CACNA1D: variants seen among roughly 807,000 people sequenced by gnomAD.
CACNA1D encodes voltage-dependent L-type calcium channel subunit alpha-1D.
CACNA1D carries 55 observed loss-of-function variants against 257.1 expected under a neutral mutation model. That is an observed-to-expected ratio of 0.21 (90% CI 0.17 to 0.27). The LOEUF (loss-of-function observed/expected upper bound fraction) is 0.27, where lower values mean the gene tolerates loss of function less well. CACNA1D is among the 10% of genes least tolerant of loss of function. CACNA1D has a pLI of 1.00. For missense variants in CACNA1D, 1,876 were observed against 2,784.0 expected (o/e 0.67, Z 7.34); for synonymous variants, 980 against 1,014.9 (o/e 0.97, Z 0.65).
At position 53,745,850 on chromosome 3, in the gene CACNA1D, G is replaced by A; in HGVS notation, c.3142G>A (p.Ala1048Thr). 1 of 1,613,960 alleles carries A rather than the reference G, an allele frequency of 6.2e-7. No individual in the cohort carries two copies. Among genetic ancestry groups the A allele is most frequent in the Non-Finnish European group, 8.5e-7 (1 of 1,179,818 alleles). Residue 1048 changes from alanine to threonine, a missense_variant, in exon 25 of 48, where the codon GCC (alanine) becomes ACC (threonine). This residue lies in a region of CACNA1D where 271 missense variants were observed against 425.5 expected (regional missense o/e 0.64). Transcript: ENST00000350061. ...GAAGTTCTATCGCTGTACGGATGAA[G>A]CCAAAAGTAACCCTGAAGAATGCAG... ...KGKFYRCTDE[A>T]KSNPEECRGL...
chr3:53,802,987 A>G (rs2095543740), intron 43 of CACNA1D, among the ~76,000 whole-genome samples: 1 of 152,180 alleles, frequency 6.6e-6, no homozygotes, highest in Admixed American at 6.5e-5. Flanking sequence ...GCAGGAGGTC[A>G]GTGGCCAGGA....
chr3:53,711,828 C>T (rs1479576648), intron 9 of CACNA1D, among the ~76,000 whole-genome samples: 3 of 152,168 alleles, frequency 2.0e-5, no homozygotes, highest in African/African-American at 7.2e-5. Flanking sequence ...TCATTCAGCA[C>T]GTTGTGGACC....
chr3:53,656,792 A>C lies in CACNA1D; in HGVS notation c.624-3341A>C, dbSNP rs974021008. Among the ~76,000 whole-genome samples the C allele has an allele frequency of 3.3e-5, 5 of 152,364 alleles. No individual in the cohort carries two copies. In the East Asian group the frequency reaches 9.6e-4, roughly 29 times the overall value. On this transcript the variant is annotated intron_variant, in intron 4 of 47. Coordinates refer to ENST00000350061, the MANE Select transcript of CACNA1D (RefSeq NM_001128840.3). Reference sequence around the variant, plus strand: ...AAAAGAAGATATGTGAATCATCAACAAACATCTGAAAAGATGCTCAACATT... The same window carrying C: ...AAAAGAAGATATGTGAATCATCAACCAACATCTGAAAAGATGCTCAACATT...
chr3:53,593,627 G>A (rs189074807), intron 3 of CACNA1D, among the ~76,000 whole-genome samples: 1 of 152,138 alleles, frequency 6.6e-6, no homozygotes, highest in Non-Finnish European at 1.5e-5. Context: ...AATCCCTCTT[G>A]GTGTTGAAGT....
chr3:53,660,026 G>C, intron 4 of CACNA1D, 107 bp from the exon 5 acceptor site: 1 of 963,886 alleles, frequency 1.0e-6, no homozygotes, highest in South Asian at 1.4e-5. Context: ...TATTTAAGCA[G>C]CAGCCACACA....
intron 29 of CACNA1D, among the ~76,000 whole-genome samples, chr3:53,755,899 G>A (rs536411591): frequency 1.5e-4 from 23 of 152,270 alleles, no homozygotes; most frequent in African/African-American, 4.3e-4. Context: ...CCTCCTGGTC[G>A]GTGGGGTAGT....
chr3:53,736,106 A>G (rs1458898892), intron 20 of CACNA1D, among the ~76,000 whole-genome samples: 4 of 152,142 alleles, frequency 2.6e-5, no homozygotes, highest in Admixed American at 2.0e-4. Flanking sequence ...TTTGGGGGAT[A>G]GAGGGGGAGG....
At chr3:53,760,268 C>T (rs1207046004) in intron 29 of CACNA1D, among the ~76,000 whole-genome samples, 1 of 152,176 alleles carries the variant, frequency 6.6e-6, no homozygotes, top group East Asian at 1.9e-4. Context: ...ATCCCTACTC[C>T]AGCTGTTAGG....
At chr3:53,641,171 A>G (rs1289235275) in intron 3 of CACNA1D, among the ~76,000 whole-genome samples, 2 of 152,158 alleles carry the variant, frequency 1.3e-5, no homozygotes, top group Admixed American at 1.3e-4. Flanking sequence ...CGCTGGACCC[A>G]TGACAGACGT....
chr3:53,700,228 G>A (rs746190130), intron 8 of CACNA1D, among the ~76,000 whole-genome samples: 5 of 151,662 alleles, frequency 3.3e-5, no homozygotes, highest in Non-Finnish European at 5.9e-5. Context: ...ACCCATATAT[G>A]ATATGGACCC....
chr3:53,547,645 C>T (rs3774438), intron 3 of CACNA1D, among the ~76,000 whole-genome samples: 15 of 152,204 alleles, frequency 9.9e-5, no homozygotes, highest in Non-Finnish European at 1.6e-4. Context: ...AAGGAAGAAA[C>T]GAGGCAGGGA....
intron 40 of CACNA1D, among the ~76,000 whole-genome samples, chr3:53,787,864 C>T (rs1310283311): frequency 6.6e-6 from 1 of 152,156 alleles, no homozygotes; most frequent in East Asian, 1.9e-4. Context: ...AAACAACTGA[C>T]CTCTGCTGCC....
At chr3:53,586,419 C>T (rs528779078) in intron 3 of CACNA1D, among the ~76,000 whole-genome samples, 6 of 150,178 alleles carry the variant, frequency 4.0e-5, no homozygotes, top group Admixed American at 1.3e-4. Flanking sequence ...TCATTCTCTT[C>T]GAGGTAACAA....
intron 17 of CACNA1D, 93 bp from the exon 18 acceptor site, chr3:53,731,923 C>T: frequency 4.9e-6 from 4 of 818,942 alleles, no homozygotes; most frequent in Non-Finnish European, 8.7e-6. Flanking sequence ...GGGAGGAATC[C>T]ATGCCCTATG....
chr3:53,675,990 C>T (rs1050016712), intron 8 of CACNA1D, among the ~76,000 whole-genome samples: 7 of 152,152 alleles, frequency 4.6e-5, no homozygotes, highest in East Asian at 1.9e-4. Flanking sequence ...AGCACAGCCT[C>T]GCAGCTTTGT....
intron 3 of CACNA1D, among the ~76,000 whole-genome samples, chr3:53,595,432 T>G (rs2107833201): frequency 6.6e-6 from 1 of 152,292 alleles, no homozygotes; most frequent in African/African-American, 2.4e-5. Flanking sequence ...CCCCTGGAAC[T>G]TTCACCCACA....
At chr3:53,575,565 G>A (rs1357588227) in intron 3 of CACNA1D, among the ~76,000 whole-genome samples, 3 of 152,126 alleles carry the variant, frequency 2.0e-5, no homozygotes, top group Admixed American at 6.5e-5. Flanking sequence ...CACACCACAG[G>A]TGTGGCCATG....
intron 40 of CACNA1D, among the ~76,000 whole-genome samples, chr3:53,788,246 C>T (rs765949594): frequency 1.3e-4 from 20 of 152,102 alleles, no homozygotes; most frequent in Admixed American, 2.0e-4. Flanking sequence ...TCTGCTCTAC[C>T]CAGACAGCTA....
intron 5 of CACNA1D, among the ~76,000 whole-genome samples, chr3:53,662,653 TC>T (rs1331150369): frequency 6.6e-6 from 1 of 152,216 alleles, no homozygotes; most frequent in Non-Finnish European, 1.5e-5. Flanking sequence ...GACCCGGTGT[TC>T]TTCCCACTTC....
Sources: gnomAD v4.1 joint callset for allele counts (sites outside exome capture counted in the v4.1 genomes callset) on GRCh38, gnomAD v4.1.1 for gene constraint, gnomAD v4.1.1 regional missense constraint, MANE v1.5 for transcripts, NCBI Gene and HGNC (gene_info 2026-07-23, HGNC 2026-07-21) for gene names.